The following EPHA7 variants were observed in gnomAD, a reference collection of about 807,000 sequenced individuals.
EPHA7 encodes the protein ephrin type-A receptor 7.
Under a neutral mutation model 112.6 loss-of-function variants are expected in EPHA7, and 25 were observed. That is an observed-to-expected ratio of 0.22 (90% confidence interval 0.16 to 0.31). The LOEUF is 0.31. EPHA7 is among the 10% of genes least tolerant of loss of function. EPHA7 has a pLI of 1.00. For missense variants in EPHA7, 962 were observed against 1,212.6 expected (o/e 0.79, Z 3.07); for synonymous variants, 437 against 406.5 (o/e 1.07, Z -0.90).
chr6:93,261,686 T>A (rs1340733355), intron 9 of EPHA7, among the ~76,000 whole-genome samples: 1 of 151,582 alleles, frequency 6.6e-6, no homozygotes, highest in African/African-American at 2.4e-5. Context: ...AATATTATTT[T>A]GATTTCTCAT....
At chr6:93,273,232 G>C (rs569201578) in intron 5 of EPHA7, among the ~76,000 whole-genome samples, 1 of 151,936 alleles carries the variant, frequency 6.6e-6, no homozygotes, top group Admixed American at 6.6e-5. Flanking sequence ...TAATTTGCTC[G>C]TCTAATTTGC....
At chr6:93,276,057 T>C (rs937427847) in intron 5 of EPHA7, among the ~76,000 whole-genome samples, 2 of 151,980 alleles carry the variant, frequency 1.3e-5, no homozygotes, top group African/African-American at 4.8e-5. Flanking sequence ...CACAGCAAAG[T>C]AGGCAGAGTG....
At chr6:93,362,695 T>C (rs961638863) in intron 3 of EPHA7, among the ~76,000 whole-genome samples, 1 of 152,088 alleles carries the variant, frequency 6.6e-6, no homozygotes, top group Non-Finnish European at 1.5e-5. Context: ...CCAATCAGGG[T>C]ACTGGTATAA....
intron 2 of EPHA7, 60 bp from the exon 3 acceptor site, chr6:93,411,230 A>G: frequency 7.2e-7 from 1 of 1,383,160 alleles, no homozygotes; most frequent in East Asian, 2.3e-5. Context: ...TTGCTTTTGA[A>G]AGTGCAAGTA....
At chr6:93,348,039 A>T (rs892472366) in intron 5 of EPHA7, among the ~76,000 whole-genome samples, 1 of 151,884 alleles carries the variant, frequency 6.6e-6, no homozygotes, top group Non-Finnish European at 1.5e-5. Flanking sequence ...TACTAAGAGC[A>T]TGTCCATTAA....
At chr6:93,317,940 T>C (rs1174251276) in intron 5 of EPHA7, among the ~76,000 whole-genome samples, 1 of 152,180 alleles carries the variant, frequency 6.6e-6, no homozygotes, top group Non-Finnish European at 1.5e-5. Context: ...AATCATAACT[T>C]TCATTCTCAC....
chr6:93,250,126 A>G (rs1770139575), intron 14 of EPHA7, among the ~76,000 whole-genome samples: 1 of 152,266 alleles, frequency 6.6e-6, no homozygotes, highest in Non-Finnish European at 1.5e-5. Context: ...TGGGACTTTA[A>G]TAATCTCATT....
At chr6:93,318,840 C>G (rs1773932153) in intron 5 of EPHA7, among the ~76,000 whole-genome samples, 1 of 152,068 alleles carries the variant, frequency 6.6e-6, no homozygotes, top group Admixed American at 6.6e-5. Context: ...GAAACTATTG[C>G]TGTGGCTGAA....
Position 93,241,414 on chromosome 6 carries a change from C to A in EPHA7, c.*2012G>T. 4.7e-6 allele frequency: 1 copy of A among 212,700 alleles called. No individual in the cohort carries two copies. Among genetic ancestry groups the A allele is most frequent in the Non-Finnish European group, 9.6e-6 (1 of 104,656 alleles). 13.2% of individuals were successfully genotyped at this position (212,700 alleles called of 1,614,324 possible). The stretch of plus-strand genomic sequence containing the variant: ...GACACTGAAAAATAACCCTCAAGCA[C>A]ATTGTGTTATAGTTCCAAAAATATA... On this transcript the variant is annotated 3_prime_UTR_variant, in exon 17 of 17. Transcript: ENST00000369303.
At position 93,272,170 on chromosome 6, in the gene EPHA7, C is replaced by G. The variant is rs1293520221; in HGVS notation, c.1449+128G>C. 3.0e-6 allele frequency: 3 copies of G among 1,002,040 alleles called. No individual in the cohort carries two copies. The African/African-American group carries it at 4.9e-5, about 16-fold the overall frequency. 62.1% of individuals were successfully genotyped at this position (1,002,040 alleles called of 1,614,324 possible). On this transcript the variant is annotated intron_variant, in intron 6 of 16. Transcript: ENST00000369303. Reference sequence around the variant, plus strand: ...TCACAGAGATGGTTATTATAAATGGCTAAAATTAACTACGAAGTTTGAAGT... The same window carrying G: ...TCACAGAGATGGTTATTATAAATGGGTAAAATTAACTACGAAGTTTGAAGT...
chr6:93,248,657 C>T (rs1306040800), intron 14 of EPHA7, among the ~76,000 whole-genome samples: 1 of 145,094 alleles, frequency 6.9e-6, no homozygotes, highest in African/African-American at 2.5e-5. Context: ...TTCATTCTCC[C>T]TCTCTCTCTT....
Position 93,259,492 on chromosome 6 carries a change from A to C in EPHA7, c.1799-13T>G. The C allele has an allele frequency of 6.2e-7, 1 of 1,610,192 alleles. No individual in the cohort carries two copies. Among genetic ancestry groups the C allele is most frequent in the Non-Finnish European group, 8.5e-7 (1 of 1,177,158 alleles). Reference sequence around the variant, plus strand: ...CCTGGAAATTTAACTGTAATGATGTAAGAAAGCATGACTGTGATGAAGCAA... The same window carrying C: ...CCTGGAAATTTAACTGTAATGATGTCAGAAAGCATGACTGTGATGAAGCAA... On this transcript the variant is annotated splice_polypyrimidine_tract_variant and intron_variant, in intron 9 of 16. Transcript: ENST00000369303.
intron 3 of EPHA7, among the ~76,000 whole-genome samples, chr6:93,363,797 A>G (rs750762940): frequency 7.9e-5 from 12 of 152,212 alleles, no homozygotes; most frequent in Non-Finnish European, 1.6e-4. Context: ...GTAATAGCCA[A>G]AAAGTGGAAA....
rs548807882 is a variant in EPHA7 at position 93,398,704 on chromosome 6, T to A, written c.832+11797A>T. ...TACACAGTGATGTCCTAGTAAATAA[T>A]CTTGAAAATCAACAAGAGAGCTGTT... is the stretch of plus-strand genomic sequence containing the variant. On this transcript the variant is annotated intron_variant, in intron 3 of 16. Coordinates refer to ENST00000369303, the MANE Select transcript of EPHA7 (RefSeq NM_004440.4). Among the ~76,000 whole-genome samples, 69 of 152,112 alleles carry A rather than the reference T, an allele frequency of 4.5e-4. 1 individual carries two copies. In the Middle Eastern group the frequency reaches 0.037, roughly 82 times the overall value.
chr6:93,297,710 C>A (rs993453864), intron 5 of EPHA7, among the ~76,000 whole-genome samples: 1 of 152,026 alleles, frequency 6.6e-6, no homozygotes, highest in Non-Finnish European at 1.5e-5. Flanking sequence ...CACTTAGTGA[C>A]CTACAGGGCA....
intron 3 of EPHA7, among the ~76,000 whole-genome samples, chr6:93,407,017 T>A (rs945982041): frequency 6.6e-6 from 1 of 151,944 alleles, no homozygotes; most frequent in Non-Finnish European, 1.5e-5. Flanking sequence ...TATAAAGAGA[T>A]GTCCTCATAA....
chr6:93,396,397 T>G (rs1778173152), intron 3 of EPHA7, among the ~76,000 whole-genome samples: 1 of 151,874 alleles, frequency 6.6e-6, no homozygotes, highest in African/African-American at 2.4e-5. Flanking sequence ...TTTTTACTAG[T>G]GGCTGAAGCT....
intron 3 of EPHA7, among the ~76,000 whole-genome samples, chr6:93,381,144 G>T (rs1777314565): frequency 1.3e-5 from 2 of 151,962 alleles, no homozygotes; most frequent in South Asian, 2.1e-4. Context: ...TTATTTCAAA[G>T]AATTTACATT....
intron 5 of EPHA7, among the ~76,000 whole-genome samples, chr6:93,326,696 C>G (rs1375278184): frequency 2.0e-5 from 3 of 150,388 alleles, no homozygotes; most frequent in Non-Finnish European, 4.5e-5. Flanking sequence ...GGACTAAAAT[C>G]TTTCAGAGAA....
Sources: allele counts gnomAD v4.1 joint callset (sites outside exome capture counted in the v4.1 genomes callset), GRCh38; gene constraint gnomAD v4.1.1; transcripts MANE v1.5; gene names NCBI Gene and HGNC (gene_info 2026-07-23, HGNC 2026-07-21).